Variants in PDZD8 observed in about 807,000 individuals in gnomAD.
PDZD8 encodes PDZ domain containing 8.
In PDZD8, 14 loss-of-function variants were observed where a neutral mutation model predicts 85.8. The observed-to-expected ratio is 0.16, with a 90% confidence interval of 0.11 to 0.26. The LOEUF is 0.26. Among genes scored for constraint, PDZD8 ranks in the 10% least tolerant of loss-of-function variants. The pLI is 1.00. For synonymous variants in PDZD8, 592 were observed against 568.6 expected (o/e 1.04, Z -0.59); for missense variants, 1,197 against 1,424.3 (o/e 0.84, Z 2.57).
intron 2 of PDZD8, among the ~76,000 whole-genome samples, chr10:117,330,187 T>G (rs1318240920): frequency 6.6e-6 from 1 of 151,578 alleles, no homozygotes; most frequent in African/African-American, 2.4e-5. Flanking sequence ...CATGCTCACC[T>G]CCTCTCTATA....
intron 1 of PDZD8, among the ~76,000 whole-genome samples, chr10:117,370,468 T>C (rs1845169734): frequency 6.6e-6 from 1 of 152,210 alleles, no homozygotes; most frequent in Admixed American, 6.5e-5. Context: ...ATGTAATGAT[T>C]ACAAATGCCA....
intron 1 of PDZD8, among the ~76,000 whole-genome samples, chr10:117,360,389 C>T (rs184406931): frequency 5.3e-5 from 8 of 152,230 alleles, no homozygotes; most frequent in Admixed American, 4.6e-4. Context: ...AAATTCCCAG[C>T]TTTCACATAG....
rs975989686 is a variant in PDZD8, at chr10:117,352,065, T to G, written c.873-10963A>C. On this transcript the variant is annotated intron_variant, in intron 1 of 4. Coordinates refer to ENST00000334464, the MANE Select transcript of PDZD8 (RefSeq NM_173791.5). ...TTACAAGAGAAGCCAAGCCTTCTTCTCCTGTGTAGATCTGACAGAACCTTT... is the reference window on the plus strand; with the variant it reads ...TTACAAGAGAAGCCAAGCCTTCTTCGCCTGTGTAGATCTGACAGAACCTTT... Among the ~76,000 whole-genome samples, 7 of 152,198 alleles carry G rather than the reference T, an allele frequency of 4.6e-5. 1 individual carries two copies. Among genetic ancestry groups the G allele is most frequent in the Admixed American group, 4.6e-4 (7 of 15,272 alleles).
intron 2 of PDZD8, among the ~76,000 whole-genome samples, chr10:117,340,532 C>G (rs576541411): frequency 6.6e-6 from 1 of 152,298 alleles, no homozygotes; most frequent in South Asian, 2.1e-4. Flanking sequence ...AAATTTCCAC[C>G]TGCCCATGCT....
At chr10:117,311,454 G>A (rs552385161) in intron 3 of PDZD8, among the ~76,000 whole-genome samples, 1 of 152,108 alleles carries the variant, frequency 6.6e-6, no homozygotes, top group Non-Finnish European at 1.5e-5. Flanking sequence ...TAGTCATACC[G>A]AAAACATTTA....
chr10:117,344,292 G>A (rs2429505), intron 1 of PDZD8, among the ~76,000 whole-genome samples: 1 of 152,116 alleles, frequency 6.6e-6, no homozygotes, highest in South Asian at 2.1e-4. Context: ...TAAGAAAATC[G>A]ATGACAATTT....
chr10:117,309,394 T>A (rs11197953), intron 3 of PDZD8, among the ~76,000 whole-genome samples: 71 of 58,778 alleles, frequency 1.2e-3, no homozygotes, highest in African/African-American at 2.9e-3. Context: ...CAGTAAAAAT[T>A]AAAAAAAAAA....
chr10:117,306,590 C>T (rs1050511279), intron 3 of PDZD8, among the ~76,000 whole-genome samples: 2 of 151,990 alleles, frequency 1.3e-5, no homozygotes, highest in Non-Finnish European at 2.9e-5. Flanking sequence ...TATAGTATCA[C>T]TCTACTTCTG....
intron 3 of PDZD8, among the ~76,000 whole-genome samples, chr10:117,311,900 T>C (rs1202447835): frequency 6.6e-6 from 1 of 151,600 alleles, no homozygotes; most frequent in Non-Finnish European, 1.5e-5. Flanking sequence ...GCTGGAAATA[T>C]GGTGGGCCTG....
intron 2 of PDZD8, among the ~76,000 whole-genome samples, chr10:117,338,849 T>C (rs932736086): frequency 3.3e-5 from 5 of 152,188 alleles, no homozygotes; most frequent in African/African-American, 9.7e-5. Context: ...AGCAAAAATG[T>C]GGTGAGCAAA....
intron 1 of PDZD8, among the ~76,000 whole-genome samples, chr10:117,359,438 C>CG (rs1411364161): frequency 6.8e-6 from 1 of 147,928 alleles, no homozygotes; most frequent in African/African-American, 2.5e-5. Flanking sequence ...AGGCTAGGCA[C>CG]GGTGGCTCAT....
At chr10:117,350,493 T>C (rs1799700) in intron 1 of PDZD8, among the ~76,000 whole-genome samples, 1 of 151,454 alleles carries the variant, frequency 6.6e-6, no homozygotes. Context: ...CTCGAACTCC[T>C]GACCTCATGA....
intron 2 of PDZD8, among the ~76,000 whole-genome samples, chr10:117,323,987 G>C (rs116333400): frequency 2.0e-4 from 30 of 151,956 alleles, no homozygotes; most frequent in Middle Eastern, 3.4e-3. Context: ...CAGCACTTTG[G>C]GGGGCCAAGG....
At position 117,374,167 on chromosome 10, in the gene PDZD8, C is replaced by T. The variant is rs1344445269; in HGVS notation, c.872+189G>A. ...GAACACGCGAAAAGGTTTCTAGCTCCTATCAATGCCGTTCGGAAGCAAAGC... is the reference window on the plus strand; with the variant it reads ...GAACACGCGAAAAGGTTTCTAGCTCTTATCAATGCCGTTCGGAAGCAAAGC... On this transcript the variant is annotated intron_variant, in intron 1 of 4. Coordinates refer to ENST00000334464, the MANE Select transcript of PDZD8 (RefSeq NM_173791.5). This position sits in a 1 kb window ranked among gnomAD's most constrained non-coding sequence, Gnocchi z 7.8. Among the ~76,000 whole-genome samples, 1 of 152,212 alleles carries T rather than the reference C, an allele frequency of 6.6e-6. No homozygotes were observed. Among genetic ancestry groups the T allele is most frequent in the Non-Finnish European group, 1.5e-5 (1 of 68,038 alleles).
At chr10:117,333,747 T>G (rs1844470465) in intron 2 of PDZD8, among the ~76,000 whole-genome samples, 1 of 152,374 alleles carries the variant, frequency 6.6e-6, no homozygotes, top group South Asian at 2.1e-4. Flanking sequence ...AACATAATGC[T>G]ATTTAAAGGA....
At chr10:117,329,524 A>G (rs554084789) in intron 2 of PDZD8, among the ~76,000 whole-genome samples, 58 of 152,208 alleles carry the variant, frequency 3.8e-4, no homozygotes, top group Non-Finnish European at 7.2e-4. Context: ...AGTAGGATAT[A>G]AATAACTCCC....
intron 2 of PDZD8, among the ~76,000 whole-genome samples, chr10:117,326,192 A>G (rs1844313485): frequency 6.6e-6 from 1 of 152,200 alleles, no homozygotes; most frequent in Non-Finnish European, 1.5e-5. Flanking sequence ...ACGGACTAAT[A>G]CACCTCCAAT....
intron 3 of PDZD8, among the ~76,000 whole-genome samples, chr10:117,311,991 A>C (rs538580846): frequency 2.0e-5 from 3 of 152,132 alleles, no homozygotes; most frequent in Non-Finnish European, 2.9e-5. Flanking sequence ...GAAGAGGAAG[A>C]AAACCCTGGC....
In PDZD8 at chr10:117,277,923, T is replaced by C. The variant is rs902635312; in HGVS notation, c.*5345A>G. On this transcript the variant is annotated 3_prime_UTR_variant, in exon 5 of 5. Transcript: ENST00000334464. ...TTGTAAATTATATGTTAACATGTTA[T>C]CTGGTTGGCAGCAAACACTAAAGCC... 6 of 152,222 alleles carry C rather than the reference T, an allele frequency of 3.9e-5. No individual in the cohort carries two copies. The highest frequency in any genetic ancestry group is 1.4e-4 in the African/African-American group (6 of 41,464). 9.4% of individuals were successfully genotyped at this position (152,222 alleles called of 1,614,324 possible). A position where few individuals can be genotyped will look rare whatever the true frequency, so the allele number is the denominator to read the frequency against.
Sources: gnomAD v4.1 joint callset for allele counts (sites outside exome capture counted in the v4.1 genomes callset) on GRCh38, gnomAD v4.1.1 for gene constraint, Gnocchi (gnomAD v3.1) non-coding constraint, MANE v1.5 for transcripts, NCBI Gene and HGNC (gene_info 2026-07-23, HGNC 2026-07-21) for gene names.